TENM3: variants seen among roughly 807,000 people sequenced by gnomAD.
TENM3 encodes teneurin transmembrane protein 3.
In TENM3, 63 loss-of-function variants were observed where a neutral mutation model predicts 255.1. The ratio of observed to expected loss-of-function variants is 0.25; its 90% confidence interval spans 0.20 to 0.30. The LOEUF (loss-of-function observed/expected upper bound fraction) is 0.30. Ranked by LOEUF, TENM3 falls within the 10% of genes least tolerant of loss-of-function variation. The pLI, the probability that TENM3 is intolerant of heterozygous loss-of-function variation, is 1.00. For synonymous variants in TENM3, 1,306 were observed against 1,322.3 expected, an observed-to-expected ratio of 0.99 and a Z score of 0.27; for missense variants, 2,929 against 3,461.1, an observed-to-expected ratio of 0.85 and a Z score of 3.86.
At chr4:181,520,559 C>T in the TENM3 span, among the ~76,000 whole-genome samples, 2 of 151,908 alleles carry the variant, frequency 1.3e-5, no homozygotes, top group Admixed American at 6.6e-5. Flanking sequence ...AACAAAAAAA[C>T]CTCTAGTTTT....
the TENM3 span, among the ~76,000 whole-genome samples, chr4:181,821,352 C>T: frequency 1.3e-5 from 2 of 152,170 alleles, no homozygotes; most frequent in African/African-American, 4.8e-5. Context: ...CCCTTTGAAT[C>T]CCCTTTGGTG....
At chr4:182,586,869 T>A (rs1380017896) in intron 3 of TENM3, among the ~76,000 whole-genome samples, 1 of 149,924 alleles carries the variant, frequency 6.7e-6, no homozygotes, top group Non-Finnish European at 1.5e-5. Flanking sequence ...TAGAAAAAAA[T>A]AACTGCAAAA....
At chr4:181,801,655 T>TATAC in the TENM3 span, among the ~76,000 whole-genome samples, 1 of 16,678 alleles carries the variant, frequency 6.0e-5, no homozygotes, top group Non-Finnish European at 1.3e-4. Context: ...TTGTAAAATA[T>TATAC]ATATATATAT....
chr4:182,606,972 G>GT (rs780952852), intron 4 of TENM3, among the ~76,000 whole-genome samples: 19 of 152,278 alleles, frequency 1.2e-4, no homozygotes, highest in Non-Finnish European at 2.4e-4. Context: ...TAGAGACCTG[G>GT]TTTGTAATCC....
chr4:182,344,320 G>T (rs1764665018), intron 2 of TENM3, among the ~76,000 whole-genome samples: 2 of 152,060 alleles, frequency 1.3e-5, no homozygotes, highest in South Asian at 4.2e-4. Context: ...TCCTGCTATG[G>T]TGCTTGCATC....
At chr4:182,600,864 T>TATGC in intron 3 of TENM3, 60 bp from the exon 4 acceptor site, 1 of 853,112 alleles carries the variant, frequency 1.2e-6, no homozygotes, top group Non-Finnish European at 1.7e-6. Flanking sequence ...GTAGTGTGTA[T>TATGC]ATACATATAT....
chr4:182,785,959 G>T (rs116277524), intron 24 of TENM3, among the ~76,000 whole-genome samples: 1 of 152,114 alleles, frequency 6.6e-6, no homozygotes. Context: ...GAAATGTTCC[G>T]TACTGAATAA....
chr4:181,747,585 T>G, the TENM3 span, among the ~76,000 whole-genome samples: 1 of 152,050 alleles, frequency 6.6e-6, no homozygotes. Flanking sequence ...AAATATTTTA[T>G]TTGAAAATTA....
the TENM3 span, among the ~76,000 whole-genome samples, chr4:181,805,090 T>C: frequency 6.6e-6 from 1 of 152,212 alleles, no homozygotes; most frequent in Non-Finnish European, 1.5e-5. Flanking sequence ...CTAAGAGTTC[T>C]GCTGTGCTCA....
intron 1 of TENM3, among the ~76,000 whole-genome samples, chr4:182,295,261 C>CTTTTTTT (rs752005972): frequency 9.2e-4 from 65 of 70,436 alleles, no homozygotes; most frequent in African/African-American, 2.7e-3. Context: ...CTTTGCTTTT[C>CTTTTTTT]TTTTTTTTTT....
At chr4:181,522,691 T>C in the TENM3 span, 1 of 662,418 alleles carries the variant, frequency 1.5e-6, no homozygotes, top group African/African-American at 1.8e-5. Context: ...ATAGCTGATG[T>C]GGCTCATTAT....
chr4:181,995,668 G>C, the TENM3 span, among the ~76,000 whole-genome samples: 10 of 152,224 alleles, frequency 6.6e-5, no homozygotes, highest in Admixed American at 3.3e-4. Context: ...ATATATGTGT[G>C]TGTAAGTTAT....
chr4:182,204,380 C>G (rs1398328670), intron 1 of TENM3, among the ~76,000 whole-genome samples: 3 of 152,046 alleles, frequency 2.0e-5, no homozygotes, highest in African/African-American at 7.3e-5. Context: ...AACGTTTACT[C>G]CAAACTAATT....
intron 12 of TENM3, among the ~76,000 whole-genome samples, chr4:182,713,564 G>A (rs116160995): frequency 7.2e-4 from 109 of 152,288 alleles, no homozygotes; most frequent in African/African-American, 1.3e-3. Context: ...CGGCAACTCC[G>A]AGGCCAGATA....
chr4:181,801,651 AATATATATATATATAT>A, the TENM3 span, among the ~76,000 whole-genome samples: 551 of 80,932 alleles, frequency 6.8e-3, 7 homozygotes, highest in South Asian at 0.02. Flanking sequence ...AGAATTGTAA[AATATATATATATATAT>A]ATATATATAT....
the TENM3 span, among the ~76,000 whole-genome samples, chr4:181,792,219 T>C: frequency 6.6e-6 from 1 of 152,218 alleles, no homozygotes; most frequent in African/African-American, 2.4e-5. Flanking sequence ...CTCAGGAGAA[T>C]ATCCTTAAGA....
chr4:182,255,994 C>T (rs372693757), intron 1 of TENM3, among the ~76,000 whole-genome samples: 119 of 152,248 alleles, frequency 7.8e-4, no homozygotes, highest in African/African-American at 2.8e-3. Context: ...ATTCAAAGCC[C>T]TGCATTCCTG....
the TENM3 span, among the ~76,000 whole-genome samples, chr4:181,705,223 G>A: frequency 1.3e-5 from 2 of 152,170 alleles, no homozygotes; most frequent in African/African-American, 4.8e-5. Flanking sequence ...AATTGCAAGA[G>A]TGAAATATCT....
chr4:182,161,611 A>ATATACATATATATATG (rs1751196887), intron 1 of TENM3, among the ~76,000 whole-genome samples: 2 of 99,936 alleles, frequency 2.0e-5, no homozygotes, highest in African/African-American at 7.6e-5. Flanking sequence ...ATATATATAT[A>ATATACATATATATATG]TGTATATATA....
Sources: gnomAD v4.1 joint callset for allele counts (sites outside exome capture counted in the v4.1 genomes callset) on GRCh38, gnomAD v4.1.1 for gene constraint, MANE v1.5 for transcripts, NCBI Gene and HGNC (gene_info 2026-07-23, HGNC 2026-07-21) for gene names.